Variants in CDH18 observed in about 807,000 individuals in gnomAD.
CDH18 encodes the protein cadherin-18.
In CDH18, 31 loss-of-function variants were observed where a neutral mutation model predicts 67.9. The ratio of observed to expected loss-of-function variants is 0.46; its 90% CI spans 0.34 to 0.62. The LOEUF is 0.62. CDH18 is among the 20% of genes least tolerant of loss of function. The pLI is 0.01. For missense variants in CDH18, 890 were observed against 975.5 expected (o/e 0.91, Z 1.17); for synonymous variants, 362 against 347.2 (o/e 1.04, Z -0.48).
intron 1 of CDH18, among the ~76,000 whole-genome samples, chr5:20,350,528 C>T (rs771269883): frequency 3.3e-5 from 5 of 152,078 alleles, no homozygotes; most frequent in Non-Finnish European, 7.4e-5. Context: ...TTTTGTTAAA[C>T]TACCATCCCC....
chr5:20,019,335 C>A (rs139834823), intron 2 of CDH18, among the ~76,000 whole-genome samples: 1 of 152,142 alleles, frequency 6.6e-6, no homozygotes, highest in Admixed American at 6.5e-5. Context: ...ATACTTTTTA[C>A]GGATGATATA....
intron 3 of CDH18, among the ~76,000 whole-genome samples, chr5:19,767,604 A>C (rs1174410683): frequency 6.6e-6 from 1 of 152,140 alleles, no homozygotes; most frequent in Non-Finnish European, 1.5e-5. Flanking sequence ...GAATAAACCA[A>C]GATAAAGCAG....
chr5:19,501,210 T>C (rs952467895), intron 11 of CDH18, among the ~76,000 whole-genome samples: 5 of 147,924 alleles, frequency 3.4e-5, no homozygotes, highest in African/African-American at 1.2e-4. Context: ...TATAAACATA[T>C]ATATAATTAC....
At chr5:19,698,814 C>T (rs1762857118) in intron 5 of CDH18, among the ~76,000 whole-genome samples, 1 of 152,134 alleles carries the variant, frequency 6.6e-6, no homozygotes, top group South Asian at 2.1e-4. Context: ...TAGGTGATTA[C>T]ACCATTTAAA....
chr5:19,700,473 G>A (rs1763096899), intron 5 of CDH18, among the ~76,000 whole-genome samples: 1 of 152,140 alleles, frequency 6.6e-6, no homozygotes, highest in African/African-American at 2.4e-5. Context: ...TGTTTGGGGA[G>A]ATAGAGAGAT....
At chr5:20,390,353 G>A (rs1233250325) in intron 1 of CDH18, among the ~76,000 whole-genome samples, 1 of 152,048 alleles carries the variant, frequency 6.6e-6, no homozygotes, top group South Asian at 2.1e-4. Context: ...CTTCTCAAAG[G>A]AGAGATTTAT....
chr5:20,481,802 T>C (rs1752828308), intron 1 of CDH18, among the ~76,000 whole-genome samples: 1 of 151,838 alleles, frequency 6.6e-6, no homozygotes, highest in Non-Finnish European at 1.5e-5. Flanking sequence ...ACACTGACAG[T>C]AGGACTAAGA....
At chr5:19,998,463 T>A (rs1736185025) in intron 2 of CDH18, among the ~76,000 whole-genome samples, 1 of 152,178 alleles carries the variant, frequency 6.6e-6, no homozygotes, top group African/African-American at 2.4e-5. Context: ...AGGAAGGAGA[T>A]AATAAATTGA....
intron 12 of CDH18, among the ~76,000 whole-genome samples, chr5:19,476,917 T>C (rs914575686): frequency 6.6e-6 from 1 of 151,834 alleles, no homozygotes; most frequent in African/African-American, 2.4e-5. Context: ...CCTGGCTTTT[T>C]AATTATCATG....
intron 2 of CDH18, among the ~76,000 whole-genome samples, chr5:20,199,572 G>T (rs1206507967): frequency 6.6e-6 from 1 of 152,120 alleles, no homozygotes; most frequent in Non-Finnish European, 1.5e-5. Flanking sequence ...TTTGGACTGG[G>T]ATTTTTGGTT....
intron 5 of CDH18, among the ~76,000 whole-genome samples, chr5:19,642,673 A>C (rs544750410): frequency 2.6e-5 from 4 of 152,198 alleles, no homozygotes; most frequent in African/African-American, 9.6e-5. Flanking sequence ...ACGTCTACCC[A>C]AAATGGATTA....
chr5:19,586,959 T>A (rs2150008275), intron 7 of CDH18, among the ~76,000 whole-genome samples: 1 of 152,304 alleles, frequency 6.6e-6, no homozygotes. Context: ...TAATGATCAG[T>A]GATGTTGAGC....
upstream of CDH18, among the ~76,000 whole-genome samples, chr5:19,990,237 T>A (rs1799906384): frequency 6.6e-6 from 1 of 152,210 alleles, no homozygotes; most frequent in South Asian, 2.1e-4. Flanking sequence ...ATTGTTAAAA[T>A]TCACGTTATG....
intron 2 of CDH18, among the ~76,000 whole-genome samples, chr5:20,220,701 G>A (rs550173818): frequency 6.6e-6 from 1 of 151,928 alleles, no homozygotes; most frequent in East Asian, 1.9e-4. Flanking sequence ...CACAGAATGG[G>A]GGAAAATATT....
intron 1 of CDH18, among the ~76,000 whole-genome samples, chr5:20,385,686 A>T (rs182766277): frequency 3.3e-4 from 50 of 152,308 alleles, no homozygotes; most frequent in Non-Finnish European, 6.3e-4. Context: ...TAAGTGGAGA[A>T]AAGAATGCTT....
At chr5:19,815,842 T>C (rs541846543) in intron 3 of CDH18, among the ~76,000 whole-genome samples, 58 of 152,050 alleles carry the variant, frequency 3.8e-4, no homozygotes, top group African/African-American at 1.4e-3. Flanking sequence ...TTACCCTCTG[T>C]TTCTTGTAGT....
rs1239039907 is a variant in CDH18 at position 20,304,726 on chromosome 5, T to G, written c.-579-49221A>C. On this transcript the variant is annotated intron_variant, in intron 1 of 14. Transcript: ENST00000507958. Reference sequence around the variant, plus strand: ...CTTCTTGTCAGGTGTATCTTCAGTTTTGTTGCCATGAAACAAAAACGCTGA... The same window carrying G: ...CTTCTTGTCAGGTGTATCTTCAGTTGTGTTGCCATGAAACAAAAACGCTGA... 2.5e-6 allele frequency: 4 copies of G among 1,611,392 alleles called. No individual in the cohort carries two copies. The African/African-American group carries it at 4.0e-5, about 16-fold the overall frequency.
rs538986632 is a variant in CDH18, at chr5:20,419,983, C to T, written c.-580+155479G>A. On this transcript the variant is annotated intron_variant, in intron 1 of 14. Coordinates refer to the CDH18 transcript ENST00000507958. ...AATAACTTTTCTGGTAATATATTTTCGATTTATCCAACAGGAACTGTATTT... is the reference window on the plus strand; with the variant it reads ...AATAACTTTTCTGGTAATATATTTTTGATTTATCCAACAGGAACTGTATTT... Among the ~76,000 whole-genome samples, 5 of 150,954 alleles carry T rather than the reference C, an allele frequency of 3.3e-5. 1 individual carries two copies. Among genetic ancestry groups the T allele is most frequent in the South Asian group, 4.1e-4 (2 of 4,822 alleles).
intron 2 of CDH18, among the ~76,000 whole-genome samples, chr5:19,951,211 G>A (rs1795753642): frequency 6.6e-6 from 1 of 152,112 alleles, no homozygotes; most frequent in African/African-American, 2.4e-5. Flanking sequence ...TAATGCATCA[G>A]CTAAGTATTT....
Sources: allele counts gnomAD v4.1 joint callset (sites outside exome capture counted in the v4.1 genomes callset), GRCh38; gene constraint gnomAD v4.1.1; transcripts MANE v1.5; gene names NCBI Gene and HGNC (gene_info 2026-07-23, HGNC 2026-07-21).